TMTC4: variants seen among roughly 807,000 people sequenced by gnomAD.
The protein encoded by TMTC4 is protein O-mannosyl-transferase TMTC4.
A neutral mutation model predicts 86.0 loss-of-function variants in TMTC4; 65 were observed. The ratio of observed to expected loss-of-function variants is 0.76; its 90% CI spans 0.62 to 0.93. The LOEUF is 0.93. Among genes scored for constraint, TMTC4 ranks in the 40% least tolerant of loss-of-function variants. The pLI, the probability that TMTC4 is intolerant of heterozygous loss-of-function variation, is 0.00. For missense variants in TMTC4, 866 were observed against 948.1 expected (o/e 0.91, Z 1.14); for synonymous variants, 379 against 382.5 (o/e 0.99, Z 0.11).
intron 12 of TMTC4, among the ~76,000 whole-genome samples, chr13:100,632,045 A>ACTCT (rs1409294236): frequency 3.1e-4 from 20 of 65,028 alleles, no homozygotes; most frequent in African/African-American, 8.4e-4. Context: ...ACACACACAC[A>ACTCT]CACACACACT....
chr13:100,633,303 C>T (rs1440557439), intron 12 of TMTC4, among the ~76,000 whole-genome samples: 1 of 111,644 alleles, frequency 9.0e-6, no homozygotes, highest in Non-Finnish European at 1.7e-5. Flanking sequence ...AGCAAGACTC[C>T]ATCTCAGGGA....
chr13:100,670,213 AT>A (rs1394925721), intron 2 of TMTC4, 146 bp downstream of exon 2: 1 of 796,020 alleles, frequency 1.3e-6, no homozygotes, highest in Non-Finnish European at 1.9e-6. Flanking sequence ...GTTTGGATGT[AT>A]TTGTTTCTGG....
chr13:100,631,355 C>T (rs1881331017), intron 12 of TMTC4, among the ~76,000 whole-genome samples: 1 of 152,176 alleles, frequency 6.6e-6, no homozygotes, highest in Non-Finnish European at 1.5e-5. Flanking sequence ...CTATAGCATC[C>T]TGGGTCACTT....
chr13:100,663,236 G>A, intron 4 of TMTC4, 56 bp from the exon 5 acceptor site: 4 of 1,502,812 alleles, frequency 2.7e-6, no homozygotes, highest in Non-Finnish European at 3.7e-6. Flanking sequence ...GCAAGAAATG[G>A]CAAAGGTCTG....
At position 100,674,004 on chromosome 13, in the gene TMTC4, TTG is replaced by T. The variant is rs944943068; in HGVS notation, c.-208+738_-208+739del. On this transcript the variant is annotated intron_variant, in intron 1 of 18. Coordinates refer to ENST00000342624, the MANE Select transcript of TMTC4 (RefSeq NM_032813.5). ...TCGTTCCTCTAACTCCTCCCTTCTT[TTG>T]TGTGTGGTTTAAAAAAAAGAAAAAC... 231 of 985,006 alleles carry T rather than the reference TTG, an allele frequency of 2.3e-4. 1 individual carries two copies. The African/African-American group carries it at 3.9e-3, about 16-fold the overall frequency. 61.0% of individuals were successfully genotyped at this position (985,006 alleles called of 1,614,324 possible).
At chr13:100,607,508 C>T (rs1421217382) in intron 17 of TMTC4, among the ~76,000 whole-genome samples, 1 of 144,810 alleles carries the variant, frequency 6.9e-6, no homozygotes, top group East Asian at 2.0e-4. Context: ...GAGAGCAAGA[C>T]TCTGTCTCAA....
chr13:100,647,747 C>T (rs1277518051), intron 6 of TMTC4, among the ~76,000 whole-genome samples: 2 of 152,142 alleles, frequency 1.3e-5, no homozygotes, highest in African/African-American at 2.4e-5. Flanking sequence ...GACACAGACA[C>T]GAAAGTGATG....
At position 100,623,745 on chromosome 13, in the gene TMTC4, G is replaced by A. The variant is rs184113278; in HGVS notation, c.1836+1790C>T. On this transcript the variant is annotated intron_variant, in intron 15 of 18. Transcript: ENST00000342624. Reference sequence around the variant, plus strand: ...TTTATAGCACATTTTGAGTAACTTGGTGCAGGCGCTCAATGCACCAGCTGA... The same window carrying A: ...TTTATAGCACATTTTGAGTAACTTGATGCAGGCGCTCAATGCACCAGCTGA... 203 of 186,424 alleles carry A rather than the reference G, an allele frequency of 1.1e-3. 2 individuals are homozygous for A. The highest frequency in any genetic ancestry group is 9.6e-3 in the Admixed American group (154 of 16,050). The allele number at this position is 186,424 out of a possible 1,614,324, so 11.5% of individuals were successfully genotyped here.
intron 12 of TMTC4, among the ~76,000 whole-genome samples, chr13:100,629,566 G>A (rs528008071): frequency 6.6e-6 from 1 of 152,282 alleles, no homozygotes; most frequent in East Asian, 1.9e-4. Flanking sequence ...ATTGATTACA[G>A]TGCTGGGGGA....
Position 100,635,210 on chromosome 13 carries a change from G to A in TMTC4, c.1203-15C>T. 1.3e-6 allele frequency: 2 copies of A among 1,544,728 alleles called. No homozygotes were observed. Among genetic ancestry groups the A allele is most frequent in the Non-Finnish European group, 1.7e-6 (2 of 1,148,614 alleles). ...GAGTAAGGATCCTGGATGATGAAAAGTATTTAAATAAATGGCTATTTCCAG... is the reference window on the plus strand; with the variant it reads ...GAGTAAGGATCCTGGATGATGAAAAATATTTAAATAAATGGCTATTTCCAG... On this transcript the variant is annotated splice_polypyrimidine_tract_variant and intron_variant, in intron 10 of 18. Transcript: ENST00000342624.
intron 5 of TMTC4, among the ~76,000 whole-genome samples, chr13:100,662,083 C>T (rs996697323): frequency 6.6e-6 from 1 of 151,840 alleles, no homozygotes; most frequent in Non-Finnish European, 1.5e-5. Flanking sequence ...AGAGGCAGCG[C>T]GATGGGATGG....
intron 12 of TMTC4, 50 bp downstream of exon 12, chr13:100,634,755 A>G (rs1263173973): frequency 6.3e-7 from 1 of 1,582,194 alleles, no homozygotes. Context: ...CCAAGAACTT[A>G]ACAGATACCC....
rs1173011743 is a variant in TMTC4, at chr13:100,634,802, T to A, written c.1506+3A>T. The A allele has an allele frequency of 6.2e-7, 1 of 1,612,614 alleles. No homozygotes were observed. Among genetic ancestry groups the A allele is most frequent in the South Asian group, 1.1e-5 (1 of 90,788 alleles). The stretch of plus-strand genomic sequence containing the variant: ...CTTTAAAAGAAATCTGGCAGCTAGG[T>A]ACCTTAGCATTGAGGGGACACACAG... On this transcript the variant is annotated splice_donor_region_variant and intron_variant, in intron 12 of 18. Transcript: ENST00000342624.
upstream of TMTC4, chr13:100,674,838 C>T: frequency 1.0e-6 from 1 of 975,886 alleles, no homozygotes; most frequent in Non-Finnish European, 1.2e-6. Flanking sequence ...GGGGAGGGGC[C>T]GCCCGCCGCG....
intron 5 of TMTC4, among the ~76,000 whole-genome samples, chr13:100,656,965 C>T (rs1885196874): frequency 6.6e-6 from 1 of 152,180 alleles, no homozygotes; most frequent in Admixed American, 6.5e-5. Context: ...GTTCTCTCCT[C>T]CCTTTTGGGT....
At position 100,662,929 on chromosome 13, in the gene TMTC4, C is replaced by T. The variant is rs767542231; in HGVS notation, c.552+35G>A. The T allele has an allele frequency of 1.1e-5, 17 of 1,609,344 alleles. No individual in the cohort carries two copies. The East Asian group carries it at 1.3e-4, about 13-fold the overall frequency. ...CATGGGGGTGTCATATCGCTTCTCA[C>T]GTGCATACAGATGCCTCGGGCAGAC... On this transcript the variant is annotated intron_variant, in intron 5 of 18. Transcript: ENST00000342624.
At chr13:100,629,042 G>A (rs970806403) in intron 12 of TMTC4, among the ~76,000 whole-genome samples, 1 of 152,122 alleles carries the variant, frequency 6.6e-6, no homozygotes, top group Non-Finnish European at 1.5e-5. Flanking sequence ...TCAGCTACTT[G>A]GGAGGGTGAG....
intron 12 of TMTC4, among the ~76,000 whole-genome samples, chr13:100,633,769 G>A (rs117413768): frequency 8.1e-4 from 124 of 152,338 alleles, no homozygotes; most frequent in East Asian, 2.5e-3. Context: ...AACCTGTGTA[G>A]CGTGTGACTG....
At chr13:100,636,411 A>G (rs1882207664) in intron 10 of TMTC4, 121 bp downstream of exon 10, 1 of 1,209,098 alleles carries the variant, frequency 8.3e-7, no homozygotes. Context: ...ATAAATATGC[A>G]TTTGAAACAA....
Sources: gnomAD v4.1 joint callset for allele counts (sites outside exome capture counted in the v4.1 genomes callset) on GRCh38, gnomAD v4.1.1 for gene constraint, MANE v1.5 for transcripts, NCBI Gene and HGNC (gene_info 2026-07-23, HGNC 2026-07-21) for gene names.